The following DAB1 variants were observed in gnomAD, a reference collection of about 807,000 sequenced individuals.
DAB1 encodes the protein DAB adaptor protein 1.
In DAB1, 15 loss-of-function variants were observed where a neutral mutation model predicts 64.6. That is an observed-to-expected ratio of 0.23 (90% CI 0.16 to 0.36). DAB1 has a LOEUF of 0.36. DAB1 is among the 10% of genes least tolerant of loss of function. The probability of loss-of-function intolerance (pLI) is 1.00; values close to 1 mark genes in which losing one functional copy is unlikely to be tolerated. For synonymous variants in DAB1, 235 were observed against 251.9 expected, an observed-to-expected ratio of 0.93 and a Z score of 0.64; for missense variants, 596 against 706.7, an observed-to-expected ratio of 0.84 and a Z score of 1.78.
chr1:57,903,957 T>C (rs1002362537), intron 5 of DAB1, among the ~76,000 whole-genome samples: 1 of 152,226 alleles, frequency 6.6e-6, no homozygotes, highest in Non-Finnish European at 1.5e-5. Flanking sequence ...TATCTGGTCT[T>C]GTTAAACCAC....
intron 7 of DAB1, among the ~76,000 whole-genome samples, chr1:57,615,199 C>A (rs1464060072): frequency 6.6e-6 from 1 of 152,308 alleles, no homozygotes. Flanking sequence ...AGAGAATATT[C>A]TTCCAGGCCT....
chr1:57,203,332 C>A (rs916216230), intron 2 of DAB1, among the ~76,000 whole-genome samples: 2 of 152,138 alleles, frequency 1.3e-5, no homozygotes, highest in Non-Finnish European at 2.9e-5. Flanking sequence ...TTTGCTTGTA[C>A]ATCCATTTCT....
chr1:57,511,895 C>T (rs761429387), intron 7 of DAB1, among the ~76,000 whole-genome samples: 1 of 152,208 alleles, frequency 6.6e-6, no homozygotes, highest in Non-Finnish European at 1.5e-5. Context: ...AAATTGGTCA[C>T]TCACGGCTCT....
intron 6 of DAB1, among the ~76,000 whole-genome samples, chr1:57,707,726 A>G (rs2101740628): frequency 6.6e-6 from 1 of 152,326 alleles, no homozygotes; most frequent in East Asian, 1.9e-4. Context: ...CTGTACAGAC[A>G]GGACTTATTT....
intron 6 of DAB1, among the ~76,000 whole-genome samples, chr1:57,776,313 GAA>G (rs1649797126): frequency 6.6e-6 from 1 of 151,534 alleles, no homozygotes; most frequent in African/African-American, 2.4e-5. Flanking sequence ...TCAGAAATCT[GAA>G]ACACTTCTGG....
At chr1:57,442,531 T>C (rs1685994862) in intron 7 of DAB1, among the ~76,000 whole-genome samples, 1 of 152,160 alleles carries the variant, frequency 6.6e-6, no homozygotes, top group Admixed American at 6.5e-5. Flanking sequence ...AGTGAGAATT[T>C]TTTTTTTTTT....
chr1:57,989,196 TTA>T (rs1302654755), intron 5 of DAB1, among the ~76,000 whole-genome samples: 1 of 151,970 alleles, frequency 6.6e-6, no homozygotes, highest in Non-Finnish European at 1.5e-5. Context: ...GGCATGAGGG[TTA>T]TATGAGTAAA....
chr1:57,989,472 T>A (rs1646295911), intron 5 of DAB1, among the ~76,000 whole-genome samples: 1 of 152,314 alleles, frequency 6.6e-6, no homozygotes, highest in Admixed American at 6.5e-5. Context: ...CAGGACTACA[T>A]GCCAAACAGC....
intron 5 of DAB1, among the ~76,000 whole-genome samples, chr1:57,970,704 A>C (rs1342091713): frequency 6.6e-6 from 1 of 152,146 alleles, no homozygotes; most frequent in Non-Finnish European, 1.5e-5. Flanking sequence ...TCTAAGATCT[A>C]AACTGGTTGT....
chr1:58,277,268 G>A (rs2100435898), intron 4 of DAB1, among the ~76,000 whole-genome samples: 1 of 152,148 alleles, frequency 6.6e-6, no homozygotes. Flanking sequence ...TCAAACTCCT[G>A]ACCTTAGGTG....
At chr1:57,264,510 C>T (rs142663314) in intron 2 of DAB1, among the ~76,000 whole-genome samples, 21 of 152,316 alleles carry the variant, frequency 1.4e-4, no homozygotes, top group African/African-American at 4.8e-4. Context: ...TTTCCGCATA[C>T]ATAGCCCTGA....
intron 6 of DAB1, among the ~76,000 whole-genome samples, chr1:57,785,299 T>C (rs1483581477): frequency 6.6e-6 from 1 of 152,162 alleles, no homozygotes; most frequent in Non-Finnish European, 1.5e-5. Context: ...TGCCTATTAA[T>C]ATAACATCCA....
chr1:58,244,273 T>C (rs1475079316), intron 4 of DAB1, among the ~76,000 whole-genome samples: 1 of 152,104 alleles, frequency 6.6e-6, no homozygotes, highest in Admixed American at 6.5e-5. Context: ...ACGACTGTAG[T>C]GATGGTGATG....
At chr1:58,083,574 G>A (rs11207169) in intron 5 of DAB1, among the ~76,000 whole-genome samples, 33,447 of 152,144 alleles carry the variant, frequency 0.22, 4,019 homozygotes, top group East Asian at 0.4. Context: ...TTCTTACAGC[G>A]AAATCAACCT....
At chr1:58,520,259 T>C (rs1036012714) in intron 2 of DAB1, among the ~76,000 whole-genome samples, 1 of 151,484 alleles carries the variant, frequency 6.6e-6, no homozygotes, top group Non-Finnish European at 1.5e-5. Context: ...TTGAAAAAAA[T>C]AAAAAATAAA....
chr1:58,205,298 G>T (rs893641123), intron 4 of DAB1, among the ~76,000 whole-genome samples: 1 of 152,148 alleles, frequency 6.6e-6, no homozygotes, highest in African/African-American at 2.4e-5. Flanking sequence ...ATTCTGCAAA[G>T]ATTGTGTTAT....
intron 5 of DAB1, among the ~76,000 whole-genome samples, chr1:58,042,690 G>T (rs1418967230): frequency 6.6e-6 from 1 of 152,154 alleles, no homozygotes; most frequent in African/African-American, 2.4e-5. Context: ...AAGACTATTC[G>T]CATGGAAGCA....
intron 1 of DAB1, among the ~76,000 whole-genome samples, chr1:57,866,035 T>C (rs575363754): frequency 1.4e-4 from 22 of 152,310 alleles, no homozygotes; most frequent in African/African-American, 5.3e-4. Flanking sequence ...GTCTCTTTCA[T>C]AGGGGCACTG....
At chr1:57,874,853 A>G (rs1426671723) in intron 1 of DAB1, among the ~76,000 whole-genome samples, 1 of 152,178 alleles carries the variant, frequency 6.6e-6, no homozygotes, top group Non-Finnish European at 1.5e-5. Context: ...AGAGTGCAGG[A>G]AGGCAATAAA....
Sources: allele counts gnomAD v4.1 joint callset (sites outside exome capture counted in the v4.1 genomes callset), GRCh38; gene constraint gnomAD v4.1.1; transcripts MANE v1.5; gene names NCBI Gene and HGNC (gene_info 2026-07-23, HGNC 2026-07-21).